Variants in PAN3 observed in about 807,000 individuals in gnomAD.
PAN3 encodes poly(A) specific ribonuclease subunit PAN3, also known as PAN2-PAN3 deadenylation complex subunit PAN3.
A neutral mutation model predicts 96.2 loss-of-function variants in PAN3; 19 were observed. The ratio of observed to expected loss-of-function variants is 0.20; its 90% CI spans 0.14 to 0.29. The LOEUF (loss-of-function observed/expected upper bound fraction) is 0.29. Ranked by LOEUF, PAN3 falls within the 10% of genes least tolerant of loss-of-function variation. The pLI is 1.00. For missense variants in PAN3, 882 were observed against 1,108.1 expected (o/e 0.80, Z 2.90); for synonymous variants, 433 against 406.6 (o/e 1.06, Z -0.78).
intron 1 of PAN3, among the ~76,000 whole-genome samples, chr13:28,153,507 A>G (rs571259789): frequency 3.0e-4 from 45 of 152,144 alleles, no homozygotes; most frequent in African/African-American, 1.0e-3. Context: ...GAAGTGCTGA[A>G]ATTACAGGTG....
intron 6 of PAN3, among the ~76,000 whole-genome samples, chr13:28,235,443 T>C (rs1243828335): frequency 3.9e-5 from 6 of 152,286 alleles, no homozygotes; most frequent in African/African-American, 1.4e-4. Flanking sequence ...TTTAAGAATA[T>C]GTATTTGAAC....
At chr13:28,192,045 A>G (rs1877337243) in intron 4 of PAN3, among the ~76,000 whole-genome samples, 1 of 140,024 alleles carries the variant, frequency 7.1e-6, no homozygotes, top group African/African-American at 2.7e-5. Flanking sequence ...CACTAAAACA[A>G]TACTTTTTTT....
At chr13:28,244,446 CTTTATTG>C (rs1883982346) in intron 6 of PAN3, among the ~76,000 whole-genome samples, 1 of 152,010 alleles carries the variant, frequency 6.6e-6, no homozygotes, top group African/African-American at 2.4e-5. Flanking sequence ...TGTTTATTCA[CTTTATTG>C]TTTAGTAATG....
At chr13:28,199,602 A>G (rs764246374) in intron 5 of PAN3, among the ~76,000 whole-genome samples, 34 of 152,144 alleles carry the variant, frequency 2.2e-4, no homozygotes, top group Non-Finnish European at 3.8e-4. Context: ...CGTCTCTATT[A>G]CTGTCTGTGT....
chr13:28,231,168 A>G (rs1451191938), intron 6 of PAN3, among the ~76,000 whole-genome samples: 1 of 152,240 alleles, frequency 6.6e-6, no homozygotes, highest in African/African-American at 2.4e-5. Flanking sequence ...TTTTTAAAAT[A>G]TGTTGAATTA....
intron 6 of PAN3, among the ~76,000 whole-genome samples, chr13:28,223,787 A>G (rs1437439926): frequency 6.6e-6 from 1 of 151,286 alleles, no homozygotes; most frequent in Non-Finnish European, 1.5e-5. Context: ...GGTTTTTTTG[A>G]CTAGATCTCT....
intron 7 of PAN3, among the ~76,000 whole-genome samples, chr13:28,259,645 A>T (rs1190701635): frequency 6.6e-6 from 1 of 151,214 alleles, no homozygotes; most frequent in African/African-American, 2.4e-5. Flanking sequence ...TTATTTATTT[A>T]TTTATTTATT....
intron 5 of PAN3, among the ~76,000 whole-genome samples, chr13:28,205,380 C>T (rs1052539996): frequency 6.6e-6 from 1 of 152,150 alleles, no homozygotes; most frequent in African/African-American, 2.4e-5. Flanking sequence ...ACCTCCTCTT[C>T]TCTCTAGCTG....
At chr13:28,227,217 G>A (rs1882098856) in intron 6 of PAN3, among the ~76,000 whole-genome samples, 1 of 152,216 alleles carries the variant, frequency 6.6e-6, no homozygotes, top group South Asian at 2.1e-4. Flanking sequence ...GAGGGATGTG[G>A]CTGCTGCAGC....
At chr13:28,275,592 G>C (rs1458270436) in intron 14 of PAN3, among the ~76,000 whole-genome samples, 1 of 152,210 alleles carries the variant, frequency 6.6e-6, no homozygotes, top group East Asian at 1.9e-4. Flanking sequence ...TATATGCACT[G>C]ATTTCTTTTG....
chr13:28,201,460 G>C (rs922262492), intron 5 of PAN3, among the ~76,000 whole-genome samples: 7 of 152,044 alleles, frequency 4.6e-5, no homozygotes, highest in African/African-American at 1.2e-4. Flanking sequence ...GCAGGAGAAT[G>C]GTGTGAACCT....
intron 5 of PAN3, among the ~76,000 whole-genome samples, chr13:28,205,302 G>A (rs1338370058): frequency 6.6e-6 from 1 of 152,058 alleles, no homozygotes; most frequent in Non-Finnish European, 1.5e-5. Context: ...AAGAGTTATA[G>A]AACTATGATG....
chr13:28,230,712 A>G (rs1882451659), intron 6 of PAN3, among the ~76,000 whole-genome samples: 1 of 152,192 alleles, frequency 6.6e-6, no homozygotes, highest in African/African-American at 2.4e-5. Context: ...ATCCAAAATT[A>G]AAATTACATT....
intron 6 of PAN3, among the ~76,000 whole-genome samples, chr13:28,236,944 A>C (rs1883171743): frequency 6.6e-6 from 1 of 152,208 alleles, no homozygotes; most frequent in Non-Finnish European, 1.5e-5. Flanking sequence ...GTTAAATATC[A>C]GCTCTCTAAA....
At chr13:28,283,304 CT>C (rs1330608139) in intron 17 of PAN3, among the ~76,000 whole-genome samples, 2 of 152,192 alleles carry the variant, frequency 1.3e-5, no homozygotes, top group East Asian at 3.8e-4. Context: ...CTGCCTCAGC[CT>C]TCCAAAGTGC....
chr13:28,166,123 C>T (rs1387506348), intron 1 of PAN3, among the ~76,000 whole-genome samples: 1 of 152,166 alleles, frequency 6.6e-6, no homozygotes, highest in East Asian at 1.9e-4. Context: ...GTCCAAAGTC[C>T]AGAGTCTCAT....
chr13:28,220,443 A>AT, intron 6 of PAN3, 65 bp downstream of exon 6: 4 of 1,509,208 alleles, frequency 2.7e-6, no homozygotes, highest in Non-Finnish European at 3.6e-6. Flanking sequence ...TTTACTATTA[A>AT]TTTATCAGAA....
At chr13:28,217,993 A>G (rs546523981) in intron 5 of PAN3, among the ~76,000 whole-genome samples, 21 of 152,040 alleles carry the variant, frequency 1.4e-4, no homozygotes, top group Non-Finnish European at 1.6e-4. Context: ...CTCAACAGGT[A>G]TTTCATTTTA....
intron 1 of PAN3, among the ~76,000 whole-genome samples, chr13:28,166,439 A>G (rs1202241792): frequency 6.6e-6 from 1 of 152,138 alleles, no homozygotes; most frequent in Admixed American, 6.5e-5. Context: ...GGCTTCAGGG[A>G]ACCACGCCCT....
Sources: allele counts gnomAD v4.1 joint callset (sites outside exome capture counted in the v4.1 genomes callset), GRCh38; gene constraint gnomAD v4.1.1; transcripts MANE v1.5; gene names NCBI Gene and HGNC (gene_info 2026-07-23, HGNC 2026-07-21).